Variants in TJP2 observed in about 807,000 individuals in gnomAD.
The protein encoded by TJP2 is tight junction protein 2.
A neutral mutation model predicts 133.1 loss-of-function variants in TJP2; 91 were observed. That is an observed-to-expected ratio of 0.68 (90% CI 0.58 to 0.81). The LOEUF (loss-of-function observed/expected upper bound fraction) is 0.81. Among genes scored for constraint, TJP2 ranks in the 40% least tolerant of loss-of-function variants. The probability of loss-of-function intolerance (pLI) is 0.00; values close to 1 mark genes in which losing one functional copy is unlikely to be tolerated. For synonymous variants in TJP2, 592 were observed against 583.4 expected, an observed-to-expected ratio of 1.01 and a Z score of -0.21; for missense variants, 1,541 against 1,565.6, an observed-to-expected ratio of 0.98 and a Z score of 0.26.
rs146818363 is a variant in TJP2 at position 69,237,904 on chromosome 9, T to C, written c.2206T>C (p.Phe736Leu). 2 of 1,613,874 alleles carry C rather than the reference T, an allele frequency of 1.2e-6. No homozygotes were observed. Among genetic ancestry groups the C allele is most frequent in the African/African-American group, 2.7e-5 (2 of 74,932 alleles). ...EAGFKRPVVL[F>L]GPIADIAMEK... is the part of the protein sequence containing the mutation. Reference sequence around the variant, plus strand: ...TGGTTTCAAGAGACCTGTGGTCTTATTCGGCCCCATAGCTGATATAGCAAT... The same window carrying C: ...TGGTTTCAAGAGACCTGTGGTCTTACTCGGCCCCATAGCTGATATAGCAAT... Residue 736 changes from phenylalanine to leucine, a missense_variant, in exon 15 of 23, where the codon TTC becomes CTC. Coordinates refer to ENST00000377245, the MANE Select transcript of TJP2 (RefSeq NM_004817.4).
intron 1 of TJP2, among the ~76,000 whole-genome samples, chr9:69,194,375 A>G (rs60717517): frequency 0.02 from 2,981 of 152,328 alleles, 86 homozygotes; most frequent in African/African-American, 0.068. Context: ...TTTGATCTAT[A>G]GTTAACTACA....
rs1233770908 is a variant in TJP2 at position 69,254,082 on chromosome 9, A to G, written c.3408-127A>G. The G allele has an allele frequency of 2.7e-6, 3 of 1,098,776 alleles. No individual in the cohort carries two copies. The African/African-American group carries it at 4.6e-5, about 17-fold the overall frequency. The allele number at this position is 1,098,776 out of a possible 1,614,324, so 68.1% of individuals were successfully genotyped here. On this transcript the variant is annotated intron_variant, in intron 22 of 22. Transcript: ENST00000377245. ...ACCAGGGATGCCCTGGTTGCTCTGC[A>G]GAATGTGGCTCAGAGGTAAGTGATC...
At chr9:69,166,980 C>T (rs750842376) in intron 2 of TJP2, among the ~76,000 whole-genome samples, 247 of 151,658 alleles carry the variant, frequency 1.6e-3, no homozygotes, top group Non-Finnish European at 2.3e-3. Context: ...CGCCCATAAT[C>T]CTAGCACTTT....
intron 13 of TJP2, 93 bp from the exon 14 acceptor site, chr9:69,236,856 C>T: frequency 1.4e-6 from 2 of 1,432,914 alleles, no homozygotes; most frequent in Non-Finnish European, 2.0e-6. Context: ...CTTCTCTGAG[C>T]TCAGAAGTAA....
In TJP2 at chr9:69,205,313, C is replaced by G. The variant is rs925310819; in HGVS notation, c.61-7235C>G. On this transcript the variant is annotated intron_variant, in intron 1 of 22. Transcript: ENST00000377245. ...GGGGAGGGAAGCAAAACCATTCTCA[C>G]AGTGAGTCCTTTATCCTCAGATTGA... 10 of 1,534,414 alleles carry G rather than the reference C, an allele frequency of 6.5e-6. No individual in the cohort carries two copies. In the African/African-American group the frequency reaches 1.2e-4, roughly 19 times the overall value.
intron 11 of TJP2, among the ~76,000 whole-genome samples, chr9:69,230,668 C>T (rs542049960): frequency 1.3e-5 from 2 of 152,260 alleles, no homozygotes; most frequent in African/African-American, 4.8e-5. Context: ...TTCGTCCCAG[C>T]CTCTGATTAG....
chr9:69,177,939 C>A (rs1226207809), intron 1 of TJP2, among the ~76,000 whole-genome samples: 1 of 152,070 alleles, frequency 6.6e-6, no homozygotes, highest in Non-Finnish European at 1.5e-5. Flanking sequence ...TTAGGAAAAG[C>A]ACTTCTTAGA....
At chr9:69,240,259 C>T in intron 17 of TJP2, 112 bp downstream of exon 17, 1 of 1,093,804 alleles carries the variant, frequency 9.1e-7, no homozygotes, top group Non-Finnish European at 1.3e-6. Context: ...GTGTTCATGA[C>T]TCCTTGAAAA....
intron 2 of TJP2, among the ~76,000 whole-genome samples, chr9:69,160,578 T>G (rs1317265616): frequency 2.0e-5 from 3 of 152,182 alleles, no homozygotes; most frequent in African/African-American, 7.2e-5. Flanking sequence ...CAAAACCAGG[T>G]GTTAAAATCA....
intron 1 of TJP2, among the ~76,000 whole-genome samples, chr9:69,177,688 AGGCT>A (rs1825200704): frequency 6.6e-6 from 1 of 151,510 alleles, no homozygotes; most frequent in African/African-American, 2.4e-5. Flanking sequence ...TCTGTTGCCC[AGGCT>A]GAAGTGTGGT....
At chr9:69,170,251 TGCACAA>T (rs778502624), upstream of TJP2, among the ~76,000 whole-genome samples, 11 of 152,366 alleles carry the variant, frequency 7.2e-5, no homozygotes, top group Non-Finnish European at 8.8e-5. Context: ...GAAAAATATA[TGCACAA>T]GCCTGTCTTT....
intron 1 of TJP2, among the ~76,000 whole-genome samples, chr9:69,194,172 G>A (rs1053372471): frequency 1.3e-5 from 2 of 151,078 alleles, no homozygotes; most frequent in African/African-American, 4.9e-5. Flanking sequence ...CGCTCCCACA[G>A]CCTTTTTATT....
chr9:69,248,098 C>T lies in TJP2; in HGVS notation c.2754C>T (p.Leu918=), dbSNP rs1194719368. 4 of 1,614,102 alleles carry T rather than the reference C, an allele frequency of 2.5e-6. No homozygotes were observed. The highest frequency in any genetic ancestry group is 3.4e-6 in the Non-Finnish European group (4 of 1,180,044). The change falls in exon 19 of 23, where the codon CTC becomes CTT. Residue 918 remains leucine, a synonymous_variant. Transcript: ENST00000377245. ...GADYLSCDSR[L]ISDFEDTDGE... The stretch of plus-strand genomic sequence containing the variant: ...ACTATCTGAGTTGCGACAGCCGCCT[C>T]ATCAGTGACTTTGAAGACACGGACG...
chr9:69,231,750 T>C (rs1829801674), intron 11 of TJP2, among the ~76,000 whole-genome samples: 2 of 152,176 alleles, frequency 1.3e-5, no homozygotes, highest in African/African-American at 4.8e-5. Context: ...TAGAAGACTA[T>C]GTACCTGCAC....
chr9:69,158,120 C>T (rs997046655), intron 2 of TJP2, among the ~76,000 whole-genome samples: 1 of 151,748 alleles, frequency 6.6e-6, no homozygotes, highest in African/African-American at 2.4e-5. Context: ...CCAGACCAGC[C>T]TGACCAACAT....
Position 69,195,808 on chromosome 9 carries a change from C to T in TJP2, c.61-16740C>T, listed in dbSNP as rs558492204. Reference sequence around the variant, plus strand: ...ACTCCCTTTCTGCACCCTCTTCTTACCAACTCACTGCAGAAGACTTATTGG... The same window carrying T: ...ACTCCCTTTCTGCACCCTCTTCTTATCAACTCACTGCAGAAGACTTATTGG... On this transcript the variant is annotated intron_variant, in intron 1 of 22. Transcript: ENST00000377245. 2.0e-5 allele frequency among the ~76,000 whole-genome samples: 3 copies of T among 152,310 alleles called. No homozygotes were observed. The East Asian group carries it at 5.8e-4, about 29-fold the overall frequency.
At position 69,218,567 on chromosome 9, in the gene TJP2, C is replaced by G. The variant is rs201735429; in HGVS notation, c.342+208C>G. 7 of 593,412 alleles carry G rather than the reference C, an allele frequency of 1.2e-5. No homozygotes were observed. In the East Asian group the frequency reaches 1.5e-4, roughly 13 times the overall value. The allele number at this position is 593,412 out of a possible 1,614,324, so 36.8% of individuals were successfully genotyped here. A position where few individuals can be genotyped will look rare whatever the true frequency, so the allele number is the denominator to read the frequency against. On this transcript the variant is annotated intron_variant, in intron 4 of 22. Transcript: ENST00000377245. ...GTGTCTTCTCCTGAGGCCAGTGATT[C>G]TCTGATCTGAGTTAGTTTGCCTTAG...
chr9:69,163,020 A>ATTTTTTTTTTTT (rs201502981), intron 2 of TJP2, among the ~76,000 whole-genome samples: 1 of 86,014 alleles, frequency 1.2e-5, no homozygotes, highest in African/African-American at 4.3e-5. Context: ...AAGTATCTTT[A>ATTTTTTTTTTTT]TTTTATTTTA....
chr9:69,131,450 G>A (rs1822492381), intron 1 of TJP2, among the ~76,000 whole-genome samples: 1 of 152,140 alleles, frequency 6.6e-6, no homozygotes, highest in Non-Finnish European at 1.5e-5. Flanking sequence ...TCCCACTCAC[G>A]TCACAAAGTC....
Sources: gnomAD v4.1 joint callset for allele counts (sites outside exome capture counted in the v4.1 genomes callset) on GRCh38, gnomAD v4.1.1 for gene constraint, MANE v1.5 for transcripts, NCBI Gene and HGNC (gene_info 2026-07-23, HGNC 2026-07-21) for gene names.